ZNF468: variants seen among roughly 807,000 people sequenced by gnomAD.
ZNF468 encodes the protein zinc finger protein ZNF468.
In ZNF468, 8 loss-of-function variants were observed where a neutral mutation model predicts 7.2. The ratio of observed to expected loss-of-function variants is 1.11; its 90% CI spans 0.65 to 2.01. The LOEUF (loss-of-function observed/expected upper bound fraction) is 2.01. ZNF468 is among the 30% of genes most tolerant of loss of function. The pLI is 0.00. For missense variants in ZNF468, 608 were observed against 626.5 expected (o/e 0.97, Z 0.31); for synonymous variants, 218 against 214.4 (o/e 1.02, Z -0.15).
chr19:52,844,377 C>T (rs990703955), intron 3 of ZNF468, among the ~76,000 whole-genome samples: 1 of 152,082 alleles, frequency 6.6e-6, no homozygotes, highest in Non-Finnish European at 1.5e-5. Context: ...AGCAATTTGG[C>T]TGGCACCTTG....
rs1242844469 is a variant in ZNF468, at chr19:52,839,883, A to C, written c.*842T>G. ...TTTATTACACTTGTAAGATCTCTTCACTGTGGATTCTCCAATGATGTGCAA... is the reference window on the plus strand; with the variant it reads ...TTTATTACACTTGTAAGATCTCTTCCCTGTGGATTCTCCAATGATGTGCAA... On this transcript the variant is annotated 3_prime_UTR_variant, in exon 4 of 4. Transcript: ENST00000595646. 1.3e-6 allele frequency: 1 copy of C among 773,832 alleles called. No homozygotes were observed. 47.9% of individuals were successfully genotyped at this position (773,832 alleles called of 1,614,324 possible). A position where few individuals can be genotyped will look rare whatever the true frequency, so the allele number is the denominator to read the frequency against.
At chr19:52,847,650 C>A (rs1392164942) in intron 3 of ZNF468, among the ~76,000 whole-genome samples, 1 of 152,160 alleles carries the variant, frequency 6.6e-6, no homozygotes, top group Non-Finnish European at 1.5e-5. Context: ...GCGAGATATG[C>A]TGGCAGCAAT....
intron 2 of ZNF468, chr19:52,849,450 A>C (rs1405810846): frequency 3.4e-6 from 3 of 878,674 alleles, no homozygotes; most frequent in Non-Finnish European, 4.8e-6. Flanking sequence ...AATAACAGAA[A>C]TAAACAAATA....
rs780041966 is a variant in ZNF468, at chr19:52,841,640, T to C, written c.654A>G (p.Ile218Met). 128 of 1,614,008 alleles carry C rather than the reference T, an allele frequency of 7.9e-5. No homozygotes were observed. The Admixed American group carries it at 1.8e-3, about 22-fold the overall frequency. ...TGCAATTAAAGGATTTGAAGCTCTG[T>C]ATACATTCAAAAGATTTTTCTCTCA... ...VHMREKSFEC[I>M]QSFKSFNCSS... The change falls in exon 4 of 4, where the codon ATA becomes ATG. Residue 218 changes from isoleucine (I) to methionine (M), a missense_variant. Physicochemically the swap from Ile to Met is conservative, Grantham distance 10. Transcript: ENST00000595646.
At chr19:52,844,226 A>G (rs1257666539) in intron 3 of ZNF468, among the ~76,000 whole-genome samples, 8 of 152,278 alleles carry the variant, frequency 5.3e-5, no homozygotes, top group Non-Finnish European at 8.8e-5. Context: ...GAATTTAGTC[A>G]TGGGTGTTGA....
intron 3 of ZNF468, 128 bp from the exon 4 acceptor site, chr19:52,842,279 G>A (rs1411101446): frequency 1.2e-6 from 1 of 828,686 alleles, no homozygotes; most frequent in South Asian, 2.6e-5. Flanking sequence ...TCAAAGTTTA[G>A]GAACACAAAA....
intron 3 of ZNF468, 57 bp from the exon 4 acceptor site, chr19:52,842,208 G>T: frequency 7.3e-7 from 1 of 1,376,896 alleles, no homozygotes. Context: ...ATATAATACT[G>T]AAATGTGTAA....
In ZNF468 at chr19:52,841,516, A is replaced by C; in HGVS notation, c.778T>G (p.Cys260Gly). The change falls in exon 4 of 4, where the codon TGC becomes GGC. Residue 260 changes from cysteine to glycine, a missense_variant. Cys to Gly is a radical substitution (Grantham distance 159). Transcript: ENST00000595646. ...KVFNQKRYLA[C>G]HRRCHTGEKP... ...TCACCAGTGTGACATCTACGATGGC[A>C]GGCAAGGTATCGCTTCTGATTAAAG... The C allele has an allele frequency of 6.2e-7, 1 of 1,614,118 alleles. No homozygotes were observed. The highest frequency in any genetic ancestry group is 8.5e-7 in the Non-Finnish European group (1 of 1,180,016).
In ZNF468 at chr19:52,844,015, G is replaced by A. The variant is rs566617113; in HGVS notation, c.143-1864C>T. 3.3e-5 allele frequency among the ~76,000 whole-genome samples: 5 copies of A among 152,252 alleles called. No individual in the cohort carries two copies. In the South Asian group the frequency reaches 1.0e-3, roughly 32 times the overall value. On this transcript the variant is annotated intron_variant, in intron 3 of 3. Coordinates refer to ENST00000595646, the MANE Select transcript of ZNF468 (RefSeq NM_001008801.2). ...AAGACGCCTGTAATCCCAGCTACTT[G>A]GGAATCTGAGGCAGGAAACATTTGA...
chr19:52,843,574 GC>G (rs2063322017), intron 3 of ZNF468, among the ~76,000 whole-genome samples: 1 of 151,984 alleles, frequency 6.6e-6, no homozygotes, highest in African/African-American at 2.4e-5. Context: ...CCGTTATATT[GC>G]ATACCACATA....
chr19:52,844,757 T>C (rs2063329779), intron 3 of ZNF468, among the ~76,000 whole-genome samples: 1 of 152,128 alleles, frequency 6.6e-6, no homozygotes, highest in Non-Finnish European at 1.5e-5. Flanking sequence ...TAGGCTTGTC[T>C]CTAACTCCTG....
chr19:52,844,040 A>AACCCAGGAGGCGGAGGTTGC (rs1330675291), intron 3 of ZNF468, among the ~76,000 whole-genome samples: 1 of 152,194 alleles, frequency 6.6e-6, no homozygotes, highest in African/African-American at 2.4e-5. Flanking sequence ...GAAACATTTG[A>AACCCAGGAGGCGGAGGTTGC]ACCCAGGAGG....
Position 52,841,135 on chromosome 19 carries a change from C to G in ZNF468, c.1159G>C (p.Glu387Gln). Residue 387 changes from glutamate (E) to glutamine (Q), a missense_variant, in exon 4 of 4, where the codon GAG becomes CAG. Coordinates refer to ENST00000595646, the MANE Select transcript of ZNF468 (RefSeq NM_001008801.2). ...HTGEKPYKCE[E>Q]CDKVFSRKSH... ...TTGCGACTGAAAACTTTGTCACACTCTTCACATTTGTAAGGTTTCTCTCCA... is the reference window on the plus strand; with the variant it reads ...TTGCGACTGAAAACTTTGTCACACTGTTCACATTTGTAAGGTTTCTCTCCA... The G allele has an allele frequency of 6.2e-7, 1 of 1,614,004 alleles. No individual in the cohort carries two copies.
At chr19:52,852,608 G>A (rs1034603323) in intron 2 of ZNF468, among the ~76,000 whole-genome samples, 5 of 150,236 alleles carry the variant, frequency 3.3e-5, no homozygotes, top group African/African-American at 9.8e-5. Flanking sequence ...CCCAAGAGGC[G>A]GATGTTGCAG....
intron 3 of ZNF468, among the ~76,000 whole-genome samples, chr19:52,844,032 A>C (rs2147730079): frequency 6.6e-6 from 1 of 152,266 alleles, no homozygotes; most frequent in East Asian, 1.9e-4. Context: ...TGAGGCAGGA[A>C]ACATTTGAAC....
At chr19:52,848,954 C>T in intron 3 of ZNF468, 133 bp downstream of exon 3, 1 of 1,447,302 alleles carries the variant, frequency 6.9e-7, no homozygotes, top group Non-Finnish European at 9.3e-7. Context: ...CCAGATGCTA[C>T]ATCATGAAGC....
chr19:52,849,471 G>C lies in ZNF468; in HGVS notation c.16-258C>G. 4.0e-6 allele frequency: 3 copies of C among 742,994 alleles called. No homozygotes were observed. In the South Asian group the frequency reaches 6.6e-5, roughly 16 times the overall value. The allele number at this position is 742,994 out of a possible 1,614,324, so 46.0% of individuals were successfully genotyped here. The stretch of plus-strand genomic sequence containing the variant: ...AGAAATAAACAAATAAAAAATCAAT[G>C]TAGGGTTCCTGTTATAAAAATGTTT... On this transcript the variant is annotated intron_variant, in intron 2 of 3. Transcript: ENST00000595646.
intron 3 of ZNF468, among the ~76,000 whole-genome samples, chr19:52,848,037 C>T (rs1462082609): frequency 6.6e-6 from 1 of 152,300 alleles, no homozygotes; most frequent in East Asian, 1.9e-4. Context: ...GGGGCTGGCG[C>T]CCTTCAGAAA....
chr19:52,845,349 C>T (rs1378020150), intron 3 of ZNF468: 2 of 149,372 alleles, frequency 1.3e-5, no homozygotes, highest in South Asian at 2.1e-4. Context: ...GTAACTCCAA[C>T]CAACAAGCCT....
Sources: gnomAD v4.1 joint callset for allele counts (sites outside exome capture counted in the v4.1 genomes callset) on GRCh38, gnomAD v4.1.1 for gene constraint, MANE v1.5 for transcripts, NCBI Gene and HGNC (gene_info 2026-07-23, HGNC 2026-07-21) for gene names.